NFIA: variants seen among roughly 807,000 people sequenced by gnomAD.
The protein encoded by NFIA is nuclear factor I A.
In NFIA, 8 loss-of-function variants were observed where a neutral mutation model predicts 62.8. The ratio of observed to expected loss-of-function variants is 0.13; its 90% CI spans 0.07 to 0.23. The LOEUF (loss-of-function observed/expected upper bound fraction) is 0.23. Among genes scored for constraint, NFIA ranks in the 10% least tolerant of loss-of-function variants. NFIA has a pLI of 1.00. For synonymous variants in NFIA, 235 were observed against 238.1 expected (o/e 0.99, Z 0.12); for missense variants, 410 against 642.1 (o/e 0.64, Z 3.91).
chr1:61,113,301 A>G (rs1646736006), intron 2 of NFIA, among the ~76,000 whole-genome samples: 1 of 151,972 alleles, frequency 6.6e-6, no homozygotes, highest in East Asian at 1.9e-4. Flanking sequence ...AAATGAGAAT[A>G]TGTTTGGTGG....
intron 2 of NFIA, among the ~76,000 whole-genome samples, chr1:61,149,057 CTTTT>C (rs3067418): frequency 2.8e-3 from 386 of 136,008 alleles, no homozygotes; most frequent in Admixed American, 3.4e-3. Context: ...TTCTTTCTTT[CTTTT>C]TTTTTTTTTT....
At chr1:61,367,863 TG>T (rs1486300279) in intron 6 of NFIA, among the ~76,000 whole-genome samples, 1 of 43,856 alleles carries the variant, frequency 2.3e-5, no homozygotes, top group African/African-American at 6.0e-5. Flanking sequence ...GAAAACTGTT[TG>T]GATTCCTGAA....
At chr1:61,276,390 A>G (rs189658463) in intron 2 of NFIA, among the ~76,000 whole-genome samples, 16 of 152,308 alleles carry the variant, frequency 1.1e-4, no homozygotes, top group Admixed American at 4.6e-4. Flanking sequence ...GTTTAATCAC[A>G]GTTAAGTGTC....
chr1:61,359,830 A>G (rs529455419), intron 6 of NFIA, among the ~76,000 whole-genome samples: 1 of 152,232 alleles, frequency 6.6e-6, no homozygotes, highest in African/African-American at 2.4e-5. Flanking sequence ...ACGGGGTTTC[A>G]CCATGTTGGC....
Position 61,331,057 on chromosome 1 carries a change from G to T in NFIA, c.626-1455G>T, listed in dbSNP as rs577613081. On this transcript the variant is annotated intron_variant, in intron 3 of 10. Coordinates refer to ENST00000403491, the MANE Select transcript of NFIA (RefSeq NM_001134673.4). ...CTTAATCTAAGAGACAGCATCTTAGGTGCTTACCAAAGCCAATTGAATACC... is the reference window on the plus strand; with the variant it reads ...CTTAATCTAAGAGACAGCATCTTAGTTGCTTACCAAAGCCAATTGAATACC... 3.9e-5 allele frequency among the ~76,000 whole-genome samples: 6 copies of T among 152,042 alleles called. No individual in the cohort carries two copies. In the East Asian group the frequency reaches 1.2e-3, roughly 29 times the overall value.
At chr1:61,377,275 A>C (rs61770543) in intron 6 of NFIA, among the ~76,000 whole-genome samples, 123 of 152,184 alleles carry the variant, frequency 8.1e-4, no homozygotes, top group Admixed American at 2.6e-3. Flanking sequence ...ATTTATAAGT[A>C]CATGGCACAT....
At chr1:61,382,142 C>T (rs531747737) in intron 6 of NFIA, among the ~76,000 whole-genome samples, 38 of 152,218 alleles carry the variant, frequency 2.5e-4, no homozygotes, top group Admixed American at 7.2e-4. Flanking sequence ...TCCCCTGATG[C>T]GGAGACTAGG....
chr1:61,259,320 G>A (rs1319769172), intron 2 of NFIA, among the ~76,000 whole-genome samples: 1 of 152,204 alleles, frequency 6.6e-6, no homozygotes, highest in Non-Finnish European at 1.5e-5. Context: ...CTCTGAGATA[G>A]ATTTCTACTC....
intron 3 of NFIA, among the ~76,000 whole-genome samples, chr1:61,330,062 G>A (rs968844870): frequency 1.3e-5 from 2 of 152,174 alleles, no homozygotes; most frequent in African/African-American, 2.4e-5. Flanking sequence ...ATGAGTGGCC[G>A]ATGGTTCATT....
At chr1:61,302,138 C>T (rs1477175749) in intron 3 of NFIA, among the ~76,000 whole-genome samples, 2 of 152,118 alleles carry the variant, frequency 1.3e-5, no homozygotes, top group Non-Finnish European at 2.9e-5. Context: ...CTCTTTTGAC[C>T]TTGTTCATTC....
chr1:61,416,987 C>G (rs1230030656), intron 9 of NFIA, among the ~76,000 whole-genome samples: 2 of 151,752 alleles, frequency 1.3e-5, no homozygotes, highest in Non-Finnish European at 2.9e-5. Flanking sequence ...ACATGGAAAC[C>G]AAAGCAGGAA....
intron 2 of NFIA, among the ~76,000 whole-genome samples, chr1:61,189,480 C>T (rs1450815777): frequency 1.3e-5 from 2 of 152,116 alleles, no homozygotes; most frequent in Non-Finnish European, 2.9e-5. Flanking sequence ...TCCTGGCCAA[C>T]ATGGTGAAAC....
chr1:61,349,039 A>G (rs1662403184), intron 4 of NFIA, among the ~76,000 whole-genome samples: 1 of 152,226 alleles, frequency 6.6e-6, no homozygotes, highest in South Asian at 2.1e-4. Flanking sequence ...GCTTGCTGGG[A>G]GTGAGGATGA....
At chr1:61,299,485 T>C (rs1021301461) in intron 3 of NFIA, among the ~76,000 whole-genome samples, 3 of 152,202 alleles carry the variant, frequency 2.0e-5, no homozygotes, top group Non-Finnish European at 4.4e-5. Context: ...ACAAACTTTA[T>C]GAAAAGCATT....
chr1:61,170,947 AG>A (rs1649923851), intron 2 of NFIA, among the ~76,000 whole-genome samples: 4 of 152,224 alleles, frequency 2.6e-5, no homozygotes, highest in Non-Finnish European at 4.4e-5. Flanking sequence ...TAAATAGAAA[AG>A]GGCAGAAAGT....
chr1:61,083,704 G>A (rs966206597), intron 1 of NFIA, among the ~76,000 whole-genome samples: 2 of 151,488 alleles, frequency 1.3e-5, no homozygotes, highest in African/African-American at 4.8e-5. Context: ...GCCGGGCAGA[G>A]TTGGGCTCCT....
At chr1:61,394,999 T>C (rs1284572813) in intron 7 of NFIA, among the ~76,000 whole-genome samples, 1 of 152,056 alleles carries the variant, frequency 6.6e-6, no homozygotes, top group Non-Finnish European at 1.5e-5. Flanking sequence ...CTCAGCCACT[T>C]GGGAGGCTGA....
At chr1:61,149,522 A>G (rs908101739) in intron 2 of NFIA, among the ~76,000 whole-genome samples, 1 of 152,186 alleles carries the variant, frequency 6.6e-6, no homozygotes, top group Non-Finnish European at 1.5e-5. Flanking sequence ...AATGTAAACC[A>G]GAAGAGCCAG....
At chr1:61,287,983 A>G in intron 3 of NFIA, among the ~76,000 whole-genome samples, 1 of 152,230 alleles carries the variant, frequency 6.6e-6, no homozygotes, top group East Asian at 1.9e-4. Flanking sequence ...TTGGCTGCTT[A>G]AATTCCATTC....
Sources: allele counts gnomAD v4.1 joint callset (sites outside exome capture counted in the v4.1 genomes callset), GRCh38; gene constraint gnomAD v4.1.1; transcripts MANE v1.5; gene names NCBI Gene and HGNC (gene_info 2026-07-23, HGNC 2026-07-21).